The following CLMN variants were observed in gnomAD, a reference collection of about 807,000 sequenced individuals.
CLMN encodes the protein calmin (calponin-like, transmembrane).
In CLMN, 57 loss-of-function variants were observed where a neutral mutation model predicts 92.7. The observed-to-expected ratio is 0.61, with a 90% CI of 0.50 to 0.77. The LOEUF (loss-of-function observed/expected upper bound fraction) is 0.77. Among genes scored for constraint, CLMN ranks in the 30% least tolerant of loss-of-function variants. The pLI, the probability that CLMN is intolerant of heterozygous loss-of-function variation, is 0.00. For missense variants in CLMN, 1,158 were observed against 1,237.5 expected, an observed-to-expected ratio of 0.94 and a Z score of 0.96; for synonymous variants, 466 against 470.6, an observed-to-expected ratio of 0.99 and a Z score of 0.13.
chr14:95,254,597 G>C (rs942770915), intron 1 of CLMN, among the ~76,000 whole-genome samples: 1 of 152,160 alleles, frequency 6.6e-6, no homozygotes, highest in Non-Finnish European at 1.5e-5. Flanking sequence ...ATCCTGTGAC[G>C]TGTTATGGGC....
At chr14:95,224,841 A>G (rs1474131129) in intron 2 of CLMN, among the ~76,000 whole-genome samples, 1 of 152,152 alleles carries the variant, frequency 6.6e-6, no homozygotes, top group Non-Finnish European at 1.5e-5. Flanking sequence ...GGTGCCCGTC[A>G]TTGCTTCACC....
At chr14:95,264,037 T>TTTAC (rs1426870138) in intron 1 of CLMN, among the ~76,000 whole-genome samples, 1 of 151,308 alleles carries the variant, frequency 6.6e-6, no homozygotes, top group Non-Finnish European at 1.5e-5. Flanking sequence ...TATTTATTTA[T>TTTAC]TTATTTATTT....
At chr14:95,285,220 T>C (rs1007422603) in intron 1 of CLMN, among the ~76,000 whole-genome samples, 3 of 152,212 alleles carry the variant, frequency 2.0e-5, no homozygotes, top group African/African-American at 7.2e-5. Flanking sequence ...GAACTGTAAG[T>C]CCAATTAAAC....
At chr14:95,258,495 G>A (rs1254926808) in intron 1 of CLMN, among the ~76,000 whole-genome samples, 1 of 151,120 alleles carries the variant, frequency 6.6e-6, no homozygotes, top group Admixed American at 6.6e-5. Flanking sequence ...TGTGGTGTGT[G>A]TGTTGAGGGT....
rs774272111 is a variant in CLMN, at chr14:95,203,911, T to C, written c.1438A>G (p.Lys480Glu). The change falls in exon 9 of 13, where the codon AAG (lysine) becomes GAG (glutamate). Residue 480 changes from lysine to glutamate, a missense_variant. By Grantham distance (56) the Lys-to-Glu change is moderately conservative. Transcript: ENST00000298912. ...EEKEQKQESS[K>E]IPESSSDKVA... The stretch of plus-strand genomic sequence containing the variant: ...TTGTCAGAGGAGGATTCTGGAATCT[T>C]CGAGGATTCCTGTTTCTGTTCCTTT... 2.5e-6 allele frequency: 4 copies of C among 1,613,038 alleles called. No homozygotes were observed.
chr14:95,262,644 C>T (rs1899304602), intron 1 of CLMN, among the ~76,000 whole-genome samples: 1 of 152,176 alleles, frequency 6.6e-6, no homozygotes, highest in Admixed American at 6.5e-5. Flanking sequence ...TGGCTCACTG[C>T]AGCCTCATCC....
intron 5 of CLMN, among the ~76,000 whole-genome samples, chr14:95,213,801 C>T (rs1025022504): frequency 6.6e-6 from 1 of 152,130 alleles, no homozygotes; most frequent in African/African-American, 2.4e-5. Context: ...CTTGCTGCCT[C>T]GATGTCCCTT....
At chr14:95,249,717 A>G (rs113514616) in intron 1 of CLMN, among the ~76,000 whole-genome samples, 22,850 of 151,814 alleles carry the variant, frequency 0.15, 2,927 homozygotes, top group African/African-American at 0.34. Flanking sequence ...TCAGCCTCCC[A>G]AGTAGCTGGG....
In CLMN at chr14:95,191,366, A is replaced by C. The variant is rs1896554153; in HGVS notation, c.*198T>G. On this transcript the variant is annotated 3_prime_UTR_variant, in exon 13 of 13. Coordinates refer to ENST00000298912, the MANE Select transcript of CLMN (RefSeq NM_024734.4). This position sits in a 1 kb window ranked among gnomAD's most constrained non-coding sequence, Gnocchi z 5.3. The stretch of plus-strand genomic sequence containing the variant: ...TGAGTTTTGAGTACACAGCCAAAGA[A>C]AAAAGCATGCTCAGGTTGTCCAGAA... The C allele has an allele frequency of 2.3e-6, 1 of 438,194 alleles. No homozygotes were observed. The highest frequency in any genetic ancestry group is 2.1e-5 in the African/African-American group (1 of 48,632). The allele number at this position is 438,194 out of a possible 1,614,324, so 27.1% of individuals were successfully genotyped here. A position where few individuals can be genotyped will look rare whatever the true frequency, so the allele number is the denominator to read the frequency against.
chr14:95,191,724 T>C lies in CLMN; in HGVS notation c.2849A>G (p.Asn950Ser), dbSNP rs200929274. 149 of 1,604,276 alleles carry C rather than the reference T, an allele frequency of 9.3e-5. No homozygotes were observed. The highest frequency in any genetic ancestry group is 1.7e-5 in the Non-Finnish European group (20 of 1,177,038). The stretch of plus-strand genomic sequence containing the variant: ...CAGTGACATGGCTTCTCCTGAGCTG[T>C]TGGCCTTCCTACAGAAGAAACACAG... Reference protein sequence around the residue: ...RRNRILTRKANSSGEAMSLGS... With the variant: ...RRNRILTRKASSSGEAMSLGS... The change falls in exon 13 of 13, where the codon AAC becomes AGC. Residue 950 changes from asparagine to serine, a missense_variant. By Grantham distance (46) the Asn-to-Ser change is conservative. Coordinates refer to ENST00000298912, the MANE Select transcript of CLMN (RefSeq NM_024734.4). The surrounding 1 kb of genome is among the most constrained non-coding windows in gnomAD (Gnocchi z 5.3).
intron 1 of CLMN, among the ~76,000 whole-genome samples, chr14:95,311,986 T>C (rs750497471): frequency 2.0e-5 from 3 of 152,128 alleles, no homozygotes; most frequent in Non-Finnish European, 4.4e-5. Context: ...CGGGTTTCTA[T>C]GGCCAAGTGG....
At chr14:95,295,870 C>T (rs1052672594) in intron 1 of CLMN, among the ~76,000 whole-genome samples, 1 of 152,228 alleles carries the variant, frequency 6.6e-6, no homozygotes, top group Non-Finnish European at 1.5e-5. Context: ...TGTTCATCTC[C>T]TCAGAGAGGC....
In CLMN at chr14:95,224,909, G is replaced by A. The variant is rs532123445; in HGVS notation, c.145-1054C>T. ...CCTTAGCAGAGGAAGCCAGGAAAGG[G>A]GGCTGGTGTGTGAGACTTGGCTAGG... is the stretch of plus-strand genomic sequence containing the variant. On this transcript the variant is annotated intron_variant, in intron 2 of 12. Transcript: ENST00000298912. Among the ~76,000 whole-genome samples the A allele has an allele frequency of 1.6e-4, 25 of 152,284 alleles. No individual in the cohort carries two copies. In the South Asian group the frequency reaches 5.2e-3, roughly 32 times the overall value.
chr14:95,301,758 G>A lies in CLMN; in HGVS notation c.82+17953C>T, dbSNP rs538644944. On this transcript the variant is annotated intron_variant, in intron 1 of 12. Transcript: ENST00000298912. ...CCACCTACTTGAGCCTCCACCCAAC[G>A]CAAAGTCCTTCTATAGGAAACTTTC... Among the ~76,000 whole-genome samples the A allele has an allele frequency of 5.9e-5, 9 of 152,162 alleles. No homozygotes were observed. The South Asian group carries it at 1.2e-3, about 21-fold the overall frequency.
intron 1 of CLMN, among the ~76,000 whole-genome samples, chr14:95,289,498 T>TAAAC (rs1566915735): frequency 1.6e-5 from 2 of 126,520 alleles, no homozygotes; most frequent in African/African-American, 6.9e-5. Context: ...AATAAATAAA[T>TAAAC]AAATAAATAA....
intron 1 of CLMN, among the ~76,000 whole-genome samples, chr14:95,287,338 C>T (rs1900384289): frequency 6.6e-6 from 1 of 152,230 alleles, no homozygotes; most frequent in Non-Finnish European, 1.5e-5. Flanking sequence ...CCACATGCAA[C>T]ATGCAAACTA....
chr14:95,240,454 C>A (rs899113564), intron 1 of CLMN, among the ~76,000 whole-genome samples: 1 of 152,092 alleles, frequency 6.6e-6, no homozygotes, highest in Non-Finnish European at 1.5e-5. Context: ...GTGACCACTG[C>A]ATGGAAGGAC....
intron 1 of CLMN, among the ~76,000 whole-genome samples, chr14:95,261,272 G>A (rs1196358837): frequency 6.6e-6 from 1 of 151,804 alleles, no homozygotes; most frequent in Non-Finnish European, 1.5e-5. Flanking sequence ...GCAGAAGGCC[G>A]AGGCCCATTG....
chr14:95,247,231 C>A lies in CLMN; in HGVS notation c.83-17098G>T, dbSNP rs541560017. On this transcript the variant is annotated intron_variant, in intron 1 of 12. Transcript: ENST00000298912. ...GTCCCTACATGGTGCTTTTCTGGCA[C>A]TGAGCCACTGTGAAGGGATTTCACC... Among the ~76,000 whole-genome samples, 3 of 152,336 alleles carry A rather than the reference C, an allele frequency of 2.0e-5. No homozygotes were observed. The South Asian group carries it at 6.2e-4, about 32-fold the overall frequency.
Sources: gnomAD v4.1 joint callset for allele counts (sites outside exome capture counted in the v4.1 genomes callset) on GRCh38, gnomAD v4.1.1 for gene constraint, Gnocchi (gnomAD v3.1) non-coding constraint, MANE v1.5 for transcripts, NCBI Gene and HGNC (gene_info 2026-07-23, HGNC 2026-07-21) for gene names.